Variants in HNRNPC observed in about 807,000 individuals in gnomAD.
The protein encoded by HNRNPC is heterogeneous nuclear ribonucleoproteins C1/C2.
A neutral mutation model predicts 33.2 loss-of-function variants in HNRNPC; 3 were observed. The ratio of observed to expected loss-of-function variants is 0.09; its 90% CI spans 0.04 to 0.23. The LOEUF is 0.23. Among genes scored for constraint, HNRNPC ranks in the 10% least tolerant of loss-of-function variants. The pLI, the probability that HNRNPC is intolerant of heterozygous loss-of-function variation, is 1.00. For synonymous variants in HNRNPC, 121 were observed against 126.7 expected (o/e 0.96, Z 0.30); for missense variants, 143 against 366.7 (o/e 0.39, Z 4.98).
intron 1 of HNRNPC, among the ~76,000 whole-genome samples, chr14:21,267,546 G>T (rs565376593): frequency 1.4e-5 from 2 of 146,598 alleles, no homozygotes; most frequent in Admixed American, 1.4e-4. Context: ...CTAGCATGAG[G>T]GGGAAAAAAA....
chr14:21,256,454 C>G (rs554776447), intron 2 of HNRNPC, among the ~76,000 whole-genome samples: 14 of 151,358 alleles, frequency 9.2e-5, no homozygotes, highest in Non-Finnish European at 1.6e-4. Flanking sequence ...CATCTCCCCC[C>G]CAAAAAAAAA....
chr14:21,234,325 G>C, intron 2 of HNRNPC, 96 bp from the exon 3 acceptor site: 1 of 1,138,588 alleles, frequency 8.8e-7, no homozygotes, highest in Non-Finnish European at 1.2e-6. Context: ...ACTGTTAACT[G>C]CCCAGAGTAT....
chr14:21,225,087 T>C (rs536734445), intron 5 of HNRNPC, among the ~76,000 whole-genome samples: 1 of 152,222 alleles, frequency 6.6e-6, no homozygotes, highest in African/African-American at 2.4e-5. Flanking sequence ...CTGCCATTTA[T>C]TGGCAGTTTC....
chr14:21,248,267 A>G (rs1896221033), intron 2 of HNRNPC, among the ~76,000 whole-genome samples: 1 of 152,116 alleles, frequency 6.6e-6, no homozygotes, highest in Non-Finnish European at 1.5e-5. Flanking sequence ...ACTGCTCTCA[A>G]ATGCCTGGTT....
intron 5 of HNRNPC, among the ~76,000 whole-genome samples, chr14:21,215,458 G>A (rs1356017681): frequency 2.6e-5 from 4 of 152,218 alleles, no homozygotes; most frequent in Non-Finnish European, 5.9e-5. Context: ...AGGCTAGGCT[G>A]TTTAAAATCT....
chr14:21,212,678 G>A (rs1416086189), intron 6 of HNRNPC, among the ~76,000 whole-genome samples: 9 of 152,110 alleles, frequency 5.9e-5, no homozygotes, highest in African/African-American at 2.2e-4. Flanking sequence ...AATTAGCTGG[G>A]ATTACATGCA....
intron 5 of HNRNPC, among the ~76,000 whole-genome samples, chr14:21,215,083 G>C (rs1429460912): frequency 6.6e-6 from 1 of 152,118 alleles, no homozygotes; most frequent in Non-Finnish European, 1.5e-5. Context: ...ATACAGTTTT[G>C]TTTTGAATCT....
rs1467801888 is a variant in HNRNPC, at chr14:21,234,011, T to C, written c.183A>G (p.Arg61=). 1.9e-6 allele frequency: 3 copies of C among 1,613,922 alleles called. No homozygotes were observed. In the South Asian group the frequency reaches 3.3e-5, roughly 18 times the overall value. The change falls in exon 3 of 9, where the codon AGA becomes AGG. Residue 61 remains arginine (R), a synonymous_variant. Coordinates refer to ENST00000553300, the MANE Select transcript of HNRNPC (RefSeq NM_004500.4). ...CTCCTGCTACAGCAGCCCGGGCATT[T>C]CTCTCATTAACATACTGAACGAAGG... ...GFAFVQYVNE[R]NARAAVAGED...
At position 21,222,872 on chromosome 14, in the gene HNRNPC, C is replaced by A. The variant is rs562004718; in HGVS notation, c.365+7447G>T. Among the ~76,000 whole-genome samples, 301 of 150,678 alleles carry A rather than the reference C, an allele frequency of 2.0e-3. 3 individuals carry two copies. The highest frequency in any genetic ancestry group is 3.8e-3 in the Admixed American group (57 of 15,102). On this transcript the variant is annotated intron_variant, in intron 5 of 8. Transcript: ENST00000553300. ...TCACGCCACTGCACTCCAGCCTGGG[C>A]GACAGAGGGAGACTCCGTCTCAAAA...
intron 2 of HNRNPC, among the ~76,000 whole-genome samples, chr14:21,248,355 T>TTTCAA (rs1320784468): frequency 6.6e-6 from 1 of 152,154 alleles, no homozygotes; most frequent in Admixed American, 6.5e-5. Flanking sequence ...GACACATGTG[T>TTTCAA]TTCAAGATCA....
chr14:21,233,736 T>C (rs1894370037), intron 3 of HNRNPC, among the ~76,000 whole-genome samples: 1 of 152,154 alleles, frequency 6.6e-6, no homozygotes, highest in Non-Finnish European at 1.5e-5. Flanking sequence ...ACGATTGTAG[T>C]AGAGTTGTCC....
chr14:21,228,817 G>T (rs1197697482), intron 5 of HNRNPC, among the ~76,000 whole-genome samples: 1 of 151,922 alleles, frequency 6.6e-6, no homozygotes, highest in African/African-American at 2.4e-5. Flanking sequence ...GGACACAGTG[G>T]CTCACACCTG....
rs968505637 is a variant in HNRNPC, at chr14:21,222,873, G to A, written c.365+7446C>T. Among the ~76,000 whole-genome samples, 21 of 151,090 alleles carry A rather than the reference G, an allele frequency of 1.4e-4. No individual in the cohort carries two copies. In the East Asian group the frequency reaches 1.6e-3, roughly 11 times the overall value. On this transcript the variant is annotated intron_variant, in intron 5 of 8. Coordinates refer to ENST00000553300, the MANE Select transcript of HNRNPC (RefSeq NM_004500.4). ...CACGCCACTGCACTCCAGCCTGGGC[G>A]ACAGAGGGAGACTCCGTCTCAAAAA...
chr14:21,257,739 C>T (rs893369660), intron 2 of HNRNPC, among the ~76,000 whole-genome samples: 2 of 152,124 alleles, frequency 1.3e-5, no homozygotes, highest in Admixed American at 1.3e-4. Flanking sequence ...TGTGTGCCAC[C>T]GTGCCCAGCT....
intron 2 of HNRNPC, among the ~76,000 whole-genome samples, chr14:21,240,582 G>GA (rs1469767819): frequency 1.2e-4 from 18 of 152,180 alleles, no homozygotes; most frequent in African/African-American, 4.3e-4. Flanking sequence ...GAGCCAAAAT[G>GA]AATTTGAACA....
At chr14:21,241,280 C>T (rs1289298646) in intron 2 of HNRNPC, among the ~76,000 whole-genome samples, 1 of 142,894 alleles carries the variant, frequency 7.0e-6, no homozygotes, top group African/African-American at 2.5e-5. Context: ...AAAAAAACCA[C>T]AACCATAACA....
chr14:21,225,922 G>C (rs567068114), intron 5 of HNRNPC, among the ~76,000 whole-genome samples: 1 of 152,046 alleles, frequency 6.6e-6, no homozygotes, highest in Admixed American at 6.6e-5. Context: ...TTTATATCTA[G>C]ATATAGTTTT....
intron 5 of HNRNPC, among the ~76,000 whole-genome samples, chr14:21,215,830 C>G (rs796432863): frequency 1.4e-4 from 20 of 145,832 alleles, no homozygotes; most frequent in Middle Eastern, 3.6e-3. Context: ...ATCTGGAAGG[C>G]AGAGGTTGCA....
At chr14:21,248,509 T>C (rs971971715) in intron 2 of HNRNPC, among the ~76,000 whole-genome samples, 4 of 152,188 alleles carry the variant, frequency 2.6e-5, no homozygotes, top group Admixed American at 2.0e-4. Context: ...CACAAAACAC[T>C]GGAAAAGATG....
Sources: allele counts gnomAD v4.1 joint callset (sites outside exome capture counted in the v4.1 genomes callset), GRCh38; gene constraint gnomAD v4.1.1; transcripts MANE v1.5; gene names NCBI Gene and HGNC (gene_info 2026-07-23, HGNC 2026-07-21).